Variants in CALD1 observed in about 807,000 individuals in gnomAD.
CALD1 encodes caldesmon.
A neutral mutation model predicts 99.9 loss-of-function variants in CALD1; 33 were observed. The observed-to-expected ratio is 0.33, with a 90% confidence interval of 0.25 to 0.44. The LOEUF (loss-of-function observed/expected upper bound fraction) is 0.44, where lower values mean the gene tolerates loss of function less well. Among genes scored for constraint, CALD1 ranks in the 20% least tolerant of loss-of-function variants. The probability of loss-of-function intolerance (pLI) is 1.00; values close to 1 mark genes in which losing one functional copy is unlikely to be tolerated. For synonymous variants in CALD1, 310 were observed against 325.0 expected, an observed-to-expected ratio of 0.95 and a Z score of 0.50; for missense variants, 861 against 962.1, an observed-to-expected ratio of 0.89 and a Z score of 1.39.
chr7:134,941,549 CATT>C (rs1313870392), intron 7 of CALD1, among the ~76,000 whole-genome samples: 1 of 152,168 alleles, frequency 6.6e-6, no homozygotes, highest in East Asian at 1.9e-4. Context: ...TATTAGAAAA[CATT>C]ATAACTGGGA....
At chr7:134,924,328 C>A (rs894736828) in intron 3 of CALD1, among the ~76,000 whole-genome samples, 1 of 151,302 alleles carries the variant, frequency 6.6e-6, no homozygotes, top group Non-Finnish European at 1.5e-5. Context: ...TTTATGTGTG[C>A]GTTGCTTTTA....
At chr7:134,756,415 AAATTAT>A (rs1796731253) in intron 1 of CALD1, among the ~76,000 whole-genome samples, 1 of 152,032 alleles carries the variant, frequency 6.6e-6, no homozygotes, top group African/African-American at 2.4e-5. Context: ...CTTATGATTA[AAATTAT>A]ATTTGGAGAA....
At chr7:134,903,800 G>C (rs76430452) in intron 3 of CALD1, among the ~76,000 whole-genome samples, 1 of 152,164 alleles carries the variant, frequency 6.6e-6, no homozygotes, top group South Asian at 2.1e-4. Context: ...TCCAAATAAG[G>C]CCACATTCTA....
chr7:134,735,479 G>A, the CALD1 span, among the ~76,000 whole-genome samples: 1 of 152,000 alleles, frequency 6.6e-6, no homozygotes, highest in Admixed American at 6.6e-5. Flanking sequence ...GAGTGTGTGT[G>A]TATCATACAG....
intron 3 of CALD1, among the ~76,000 whole-genome samples, chr7:134,900,980 T>C (rs980188488): frequency 1.3e-5 from 2 of 152,100 alleles, no homozygotes; most frequent in African/African-American, 4.8e-5. Flanking sequence ...GCTCTTTATT[T>C]CAGATGGAGT....
chr7:134,965,321 G>C lies in CALD1; in HGVS notation c.2311G>C (p.Asp771His). 1 of 1,579,158 alleles carries C rather than the reference G, an allele frequency of 6.3e-7. No homozygotes were observed. The highest frequency in any genetic ancestry group is 1.3e-5 in the African/African-American group (1 of 74,386). ...APKPSDLRPG[D>H]VSSKRNLWEK... ...TTTTTATCAGGACTTGAGACCAGGAGACGTATCCAGCAAGCGGAACCTCTG... is the reference window on the plus strand; with the variant it reads ...TTTTTATCAGGACTTGAGACCAGGACACGTATCCAGCAAGCGGAACCTCTG... Residue 771 changes from aspartate to histidine, a missense_variant, in exon 14 of 15, where the codon GAC becomes CAC. This residue lies in a region of CALD1 where 190 missense variants were observed against 249.0 expected (regional missense o/e 0.76). Coordinates refer to ENST00000361675, the MANE Select transcript of CALD1 (RefSeq NM_033138.4).
At chr7:134,792,391 G>A (rs913912722) in intron 1 of CALD1, among the ~76,000 whole-genome samples, 6 of 150,134 alleles carry the variant, frequency 4.0e-5, no homozygotes, top group Middle Eastern at 3.4e-3. Flanking sequence ...CCAGGTTCAA[G>A]CAATTCTCCT....
chr7:134,763,917 CAAAAAAAAAAA>C (rs34036528), intron 1 of CALD1, among the ~76,000 whole-genome samples: 3 of 103,386 alleles, frequency 2.9e-5, no homozygotes, highest in African/African-American at 7.8e-5. Context: ...GACTCCATCT[CAAAAAAAAAAA>C]AAAAAAAAAG....
the CALD1 span, among the ~76,000 whole-genome samples, chr7:134,715,615 A>G: frequency 1.3e-5 from 2 of 152,216 alleles, no homozygotes; most frequent in African/African-American, 4.8e-5. Context: ...TCTTGCCTTC[A>G]GGTTTATAAA....
the CALD1 span, among the ~76,000 whole-genome samples, chr7:134,735,897 G>T: frequency 6.6e-6 from 1 of 152,040 alleles, no homozygotes; most frequent in African/African-American, 2.4e-5. Flanking sequence ...GAAATACCTT[G>T]GGGACATTGA....
chr7:134,756,370 AT>A (rs768436060), intron 1 of CALD1, among the ~76,000 whole-genome samples: 1 of 148,140 alleles, frequency 6.8e-6, no homozygotes, highest in Non-Finnish European at 1.5e-5. Flanking sequence ...TTTTTCCTAT[AT>A]TTGTAGGTCC....
intron 3 of CALD1, chr7:134,928,049 T>C (rs1427069060): frequency 6.9e-6 from 2 of 290,498 alleles, no homozygotes; most frequent in Middle Eastern, 4.0e-4. Context: ...TTCGTGACAG[T>C]GTCTACACAA....
chr7:134,716,437 T>G, the CALD1 span, among the ~76,000 whole-genome samples: 1 of 152,222 alleles, frequency 6.6e-6, no homozygotes, highest in Admixed American at 6.5e-5. Context: ...GTTGCTTGCT[T>G]TTGTATTGTA....
At chr7:134,870,866 T>G (rs548573820) in intron 3 of CALD1, among the ~76,000 whole-genome samples, 1 of 152,188 alleles carries the variant, frequency 6.6e-6, no homozygotes, top group Non-Finnish European at 1.5e-5. Flanking sequence ...GGTAAGCCCA[T>G]GACCACCCTT....
chr7:134,845,282 AAATGAATG>A (rs1042459313), intron 2 of CALD1, among the ~76,000 whole-genome samples: 2 of 152,200 alleles, frequency 1.3e-5, no homozygotes, highest in East Asian at 1.9e-4. Context: ...AATATTTATT[AAATGAATG>A]AATGAATGAA....
chr7:134,819,673 T>C (rs1798696018), intron 1 of CALD1, among the ~76,000 whole-genome samples: 2 of 152,182 alleles, frequency 1.3e-5, no homozygotes, highest in South Asian at 4.1e-4. Context: ...TAAGAAGCCC[T>C]TGTAAAAAAC....
chr7:134,859,813 C>G (rs1446756446), intron 2 of CALD1, among the ~76,000 whole-genome samples: 1 of 152,184 alleles, frequency 6.6e-6, no homozygotes, highest in African/African-American at 2.4e-5. Flanking sequence ...AACATGGTGT[C>G]TTCCTAAGTG....
At chr7:134,948,199 T>G (rs1311161155) in intron 8 of CALD1, 1 of 157,094 alleles carries the variant, frequency 6.4e-6, no homozygotes, top group Non-Finnish European at 1.4e-5. Flanking sequence ...TTGGAGAGTT[T>G]TTATAGAGAA....
At chr7:134,780,699 T>C (rs1797073543) in intron 1 of CALD1, among the ~76,000 whole-genome samples, 1 of 152,194 alleles carries the variant, frequency 6.6e-6, no homozygotes, top group Non-Finnish European at 1.5e-5. Context: ...TTTAGTGCTG[T>C]GGCAATACAT....
Sources: allele counts gnomAD v4.1 joint callset (sites outside exome capture counted in the v4.1 genomes callset), GRCh38; gene constraint gnomAD v4.1.1; regional missense constraint gnomAD v4.1.1; transcripts MANE v1.5; gene names NCBI Gene and HGNC (gene_info 2026-07-23, HGNC 2026-07-21).